The following RBFOX1 variants were observed in gnomAD, a reference collection of about 807,000 sequenced individuals.
The protein encoded by RBFOX1 is RNA binding fox-1 homolog 1.
In RBFOX1, 8 loss-of-function variants were observed where a neutral mutation model predicts 57.7. The observed-to-expected ratio is 0.14, with a 90% CI of 0.08 to 0.25. The LOEUF (loss-of-function observed/expected upper bound fraction) is 0.25, where lower values mean the gene tolerates loss of function less well. Ranked by LOEUF, RBFOX1 falls within the 10% of genes least tolerant of loss-of-function variation. The pLI, the probability that RBFOX1 is intolerant of heterozygous loss-of-function variation, is 1.00. For missense variants in RBFOX1, 611 were observed against 548.5 expected, an observed-to-expected ratio of 1.11 and a Z score of -1.14; for synonymous variants, 326 against 222.4, an observed-to-expected ratio of 1.47 and a Z score of -4.15.
chr16:7,396,396 C>G (rs998844422), intron 4 of RBFOX1, among the ~76,000 whole-genome samples: 1 of 152,142 alleles, frequency 6.6e-6, no homozygotes, highest in South Asian at 2.1e-4. Flanking sequence ...TTTTATTCTT[C>G]TGTTTTTCTC....
At chr16:6,508,814 C>T (rs1362870330) in intron 2 of RBFOX1, among the ~76,000 whole-genome samples, 1 of 149,790 alleles carries the variant, frequency 6.7e-6, no homozygotes, top group African/African-American at 2.5e-5. Flanking sequence ...TAGGTTGATA[C>T]AAAAGTAATC....
At chr16:7,238,027 A>G (rs927859966) in intron 4 of RBFOX1, among the ~76,000 whole-genome samples, 13 of 152,242 alleles carry the variant, frequency 8.5e-5, no homozygotes, top group Admixed American at 6.5e-5. Flanking sequence ...AGATGCTGAT[A>G]CATGCTACAA....
chr16:5,448,376 T>A (rs917996453), intron 1 of RBFOX1, among the ~76,000 whole-genome samples: 1 of 152,196 alleles, frequency 6.6e-6, no homozygotes, highest in African/African-American at 2.4e-5. Context: ...GAATAAGGTA[T>A]GTTTGGGACA....
chr16:6,518,817 A>G (rs562692440), intron 2 of RBFOX1, among the ~76,000 whole-genome samples: 1,506 of 111,566 alleles, frequency 0.013, 29 homozygotes, highest in African/African-American at 0.05. Flanking sequence ...CTATCTATCT[A>G]TCTATCTATC....
At chr16:7,369,603 C>A (rs1382854977) in intron 4 of RBFOX1, among the ~76,000 whole-genome samples, 1 of 152,106 alleles carries the variant, frequency 6.6e-6, no homozygotes, top group African/African-American at 2.4e-5. Context: ...TGCTGATTAT[C>A]TCAATACTTT....
At chr16:7,158,134 G>T (rs535197390) in intron 4 of RBFOX1, among the ~76,000 whole-genome samples, 1 of 152,114 alleles carries the variant, frequency 6.6e-6, no homozygotes, top group African/African-American at 2.4e-5. Context: ...GGATCACAAG[G>T]TCAGGAGTTC....
Position 5,714,947 on chromosome 16 carries a change from A to T in RBFOX1, c.318+115986A>T, listed in dbSNP as rs145171155. ...TGATGCTGAAATATCTGTTGGATGA[A>T]TGAGTAACTATACTTCCAGTTGTGT... On this transcript the variant is annotated intron_variant, in intron 3 of 19. Transcript: ENST00000641259. Among the ~76,000 whole-genome samples the T allele has an allele frequency of 2.0e-5, 3 of 152,300 alleles. No homozygotes were observed. The East Asian group carries it at 5.8e-4, about 29-fold the overall frequency.
chr16:6,531,504 A>G (rs1169645315), intron 2 of RBFOX1, among the ~76,000 whole-genome samples: 1 of 152,206 alleles, frequency 6.6e-6, no homozygotes, highest in Non-Finnish European at 1.5e-5. Context: ...GAAAATGGTG[A>G]AATATTTTTA....
At chr16:5,761,853 A>C (rs567293141) in intron 3 of RBFOX1, among the ~76,000 whole-genome samples, 8 of 152,228 alleles carry the variant, frequency 5.3e-5, no homozygotes, top group African/African-American at 1.9e-4. Flanking sequence ...TGATATCCCC[A>C]CTGGAGGGGC....
intron 1 of RBFOX1, among the ~76,000 whole-genome samples, chr16:5,424,930 TC>T (rs1567490084): frequency 8.0e-6 from 1 of 125,600 alleles, no homozygotes; most frequent in East Asian, 2.3e-4. Context: ...TTTCTTTCTT[TC>T]TTTCTCTCTC....
chr16:6,521,821 C>T lies in RBFOX1; in HGVS notation c.-63-132782C>T, dbSNP rs187355917. On this transcript the variant is annotated intron_variant, in intron 2 of 15. Transcript: ENST00000550418. The stretch of plus-strand genomic sequence containing the variant: ...TTAAAGCTAAATAGTGAGGAATCCT[C>T]ATGTCTAAAAATGGAAGGCTTAGAG... 2.5e-3 allele frequency among the ~76,000 whole-genome samples: 384 copies of T among 152,232 alleles called. 1 individual carries two copies. Among genetic ancestry groups the T allele is most frequent in the Non-Finnish European group, 4.6e-3 (315 of 68,028 alleles).
chr16:7,440,010 G>C (rs963019908), intron 4 of RBFOX1, among the ~76,000 whole-genome samples: 2 of 145,020 alleles, frequency 1.4e-5, no homozygotes, highest in Non-Finnish European at 3.0e-5. Context: ...GCAGTGCAGT[G>C]GTGAGATCAC....
At chr16:6,950,238 A>G (rs9929035) in intron 3 of RBFOX1, among the ~76,000 whole-genome samples, 71,688 of 151,178 alleles carry the variant, frequency 0.47, 17,318 homozygotes, top group African/African-American at 0.57. Flanking sequence ...GATTACAGGC[A>G]TGAGCCACCA....
intron 12 of RBFOX1, among the ~76,000 whole-genome samples, chr16:7,661,875 G>A (rs2067842921): frequency 6.6e-6 from 1 of 152,156 alleles, no homozygotes; most frequent in African/African-American, 2.4e-5. Flanking sequence ...CACAGTGGAG[G>A]ACAAAGCATG....
intron 2 of RBFOX1, among the ~76,000 whole-genome samples, chr16:6,624,107 G>T (rs963961627): frequency 1.2e-4 from 19 of 152,150 alleles, no homozygotes; most frequent in African/African-American, 4.6e-4. Context: ...ACAGAAAAGG[G>T]AGATACGGAC....
chr16:5,397,308 AG>A (rs140399219), intron 1 of RBFOX1, among the ~76,000 whole-genome samples: 3,987 of 152,266 alleles, frequency 0.026, 182 homozygotes, highest in African/African-American at 0.091. Context: ...CTGGAGTGGC[AG>A]CCCCTCTGGG....
At chr16:6,479,522 A>G (rs1039692046) in intron 2 of RBFOX1, among the ~76,000 whole-genome samples, 5 of 151,936 alleles carry the variant, frequency 3.3e-5, no homozygotes, top group Non-Finnish European at 5.9e-5. Flanking sequence ...TGGGAAGCAG[A>G]AGTTGCAGTG....
intron 3 of RBFOX1, among the ~76,000 whole-genome samples, chr16:5,675,596 A>T (rs2050143351): frequency 6.6e-6 from 1 of 152,226 alleles, no homozygotes; most frequent in Non-Finnish European, 1.5e-5. Flanking sequence ...TAAACATGGC[A>T]ACGGAGCCTC....
At chr16:6,822,429 C>G (rs2091463819) in intron 3 of RBFOX1, among the ~76,000 whole-genome samples, 1 of 152,208 alleles carries the variant, frequency 6.6e-6, no homozygotes, top group Non-Finnish European at 1.5e-5. Context: ...TGCAAACTTT[C>G]ATTGCTAACT....
Sources: allele counts gnomAD v4.1 joint callset (sites outside exome capture counted in the v4.1 genomes callset), GRCh38; gene constraint gnomAD v4.1.1; transcripts MANE v1.5; gene names NCBI Gene and HGNC (gene_info 2026-07-23, HGNC 2026-07-21).